The following PLEKHA7 variants were observed in gnomAD, a reference collection of about 807,000 sequenced individuals.
The protein encoded by PLEKHA7 is pleckstrin homology domain-containing family A member 7.
Under a neutral mutation model 170.0 loss-of-function variants are expected in PLEKHA7, and 104 were observed. The ratio of observed to expected loss-of-function variants is 0.61; its 90% CI spans 0.52 to 0.72. The LOEUF is 0.72. PLEKHA7 is among the 30% of genes least tolerant of loss of function. The probability of loss-of-function intolerance (pLI) is 0.00; values close to 1 mark genes in which losing one functional copy is unlikely to be tolerated. For missense variants in PLEKHA7, 1,615 were observed against 1,671.7 expected, an observed-to-expected ratio of 0.97 and a Z score of 0.59; for synonymous variants, 648 against 660.8, an observed-to-expected ratio of 0.98 and a Z score of 0.30.
intron 3 of PLEKHA7, among the ~76,000 whole-genome samples, chr11:17,007,426 G>A (rs1001495270): frequency 7.9e-5 from 12 of 151,974 alleles, no homozygotes; most frequent in Admixed American, 2.0e-4. Context: ...GGGTTCAAGC[G>A]TTCCTCCTGG....
At chr11:16,888,906 A>C (rs960725749) in intron 3 of PLEKHA7, among the ~76,000 whole-genome samples, 1 of 19,318 alleles carries the variant, frequency 5.2e-5, no homozygotes, top group Non-Finnish European at 1.5e-4. Flanking sequence ...GGGGGAAGAT[A>C]AAAAAAAAAA....
At chr11:16,976,204 T>C (rs1242054460) in intron 3 of PLEKHA7, among the ~76,000 whole-genome samples, 3 of 152,252 alleles carry the variant, frequency 2.0e-5, no homozygotes, top group South Asian at 4.1e-4. Flanking sequence ...CCCCACCACC[T>C]AGGCCTTAAG....
chr11:16,891,350 T>C (rs1445798477), intron 3 of PLEKHA7, among the ~76,000 whole-genome samples: 1 of 151,990 alleles, frequency 6.6e-6, no homozygotes, highest in African/African-American at 2.4e-5. Context: ...GAGGCGGAGA[T>C]TGGAGTGATG....
At chr11:16,925,030 G>A (rs1016669871) in intron 3 of PLEKHA7, among the ~76,000 whole-genome samples, 1 of 152,212 alleles carries the variant, frequency 6.6e-6, no homozygotes, top group African/African-American at 2.4e-5. Flanking sequence ...GCCGGCTCCT[G>A]GCAAGTGTGG....
intron 3 of PLEKHA7, among the ~76,000 whole-genome samples, chr11:16,988,212 T>G (rs2136926171): frequency 6.6e-6 from 1 of 152,346 alleles, no homozygotes; most frequent in South Asian, 2.1e-4. Context: ...TCTAACTTTG[T>G]GTTCCTCCCA....
intron 3 of PLEKHA7, among the ~76,000 whole-genome samples, chr11:16,972,576 A>AT (rs1383614244): frequency 6.6e-6 from 1 of 151,012 alleles, no homozygotes; most frequent in Non-Finnish European, 1.5e-5. Flanking sequence ...ATGCCTGGCT[A>AT]TTTTTTTCTT....
intron 3 of PLEKHA7, among the ~76,000 whole-genome samples, chr11:16,904,939 A>G (rs1300739419): frequency 6.6e-6 from 1 of 152,228 alleles, no homozygotes; most frequent in Non-Finnish European, 1.5e-5. Context: ...ATGCCATATC[A>G]TGTACACCTA....
rs1266363142 is a variant in PLEKHA7, at chr11:16,791,226, G to A, written c.2746-27C>T. The A allele has an allele frequency of 1.9e-6, 3 of 1,556,234 alleles. No homozygotes were observed. The highest frequency in any genetic ancestry group is 1.7e-4 in the Middle Eastern group (1 of 5,786). ...TGCTGAGAAAGAGAACCAGACCAGTGGTCAGCGAGACGGAGCTGGAGGGAG... is the reference window on the plus strand; with the variant it reads ...TGCTGAGAAAGAGAACCAGACCAGTAGTCAGCGAGACGGAGCTGGAGGGAG... On this transcript the variant is annotated intron_variant, in intron 19 of 26. Coordinates refer to ENST00000531066, the MANE Select transcript of PLEKHA7 (RefSeq NM_001329630.2). The surrounding 1 kb of genome is among the most constrained non-coding windows in gnomAD (Gnocchi z 4.5).
rs139716324 is a variant in PLEKHA7, at chr11:16,933,476, A to G, written c.222-62294T>C. Among the ~76,000 whole-genome samples the G allele has an allele frequency of 2.0e-3, 305 of 152,356 alleles. 2 individuals are homozygous for G. Among genetic ancestry groups the G allele is most frequent in the African/African-American group, 7.0e-3 (290 of 41,582 alleles). ...CAGCTTTGCCAAGTGTGTTAGTGGT[A>G]GTGCCAACAGGACTCACTGATGGGA... On this transcript the variant is annotated intron_variant, in intron 3 of 26. Transcript: ENST00000531066.
chr11:16,925,763 T>C lies in PLEKHA7; in HGVS notation c.222-54581A>G, dbSNP rs546500648. On this transcript the variant is annotated intron_variant, in intron 3 of 26. Transcript: ENST00000531066. ...CACACCCACTTGACATCAGCACCGA[T>C]CAAAGCACGTGGCGCAGCGCCAGAC... Among the ~76,000 whole-genome samples the C allele has an allele frequency of 1.9e-4, 29 of 152,324 alleles. 1 individual carries two copies. In the South Asian group the frequency reaches 5.6e-3, roughly 29 times the overall value.
At chr11:16,981,299 C>T (rs1045945416) in intron 3 of PLEKHA7, among the ~76,000 whole-genome samples, 1 of 152,136 alleles carries the variant, frequency 6.6e-6, no homozygotes, top group Non-Finnish European at 1.5e-5. Flanking sequence ...AATGATTCTA[C>T]GAGTAGACAC....
chr11:16,934,258 C>T (rs1370037458), intron 3 of PLEKHA7, among the ~76,000 whole-genome samples: 3 of 152,080 alleles, frequency 2.0e-5, no homozygotes, highest in African/African-American at 7.2e-5. Context: ...AAAGGGTTTC[C>T]AAAATAAGCT....
rs761133372 is a variant in PLEKHA7, at chr11:16,826,143, C to T, written c.1320G>A (p.Arg440=). The T allele has an allele frequency of 3.1e-6, 5 of 1,614,174 alleles. No individual in the cohort carries two copies. The highest frequency in any genetic ancestry group is 2.2e-5 in the East Asian group (1 of 44,882). Reference sequence around the variant, plus strand: ...ACCTCCTGCTATCCCCTTTCTGGGCCCTTGCCCAGTGCTCCACCTGGGCCA... The same window carrying T: ...ACCTCCTGCTATCCCCTTTCTGGGCTCTTGCCCAGTGCTCCACCTGGGCCA... ...SNLAQVEHWA[R]AQKGDSRSLP... Residue 440 remains arginine, a synonymous_variant, in exon 10 of 27, where the codon AGG becomes AGA. Coordinates refer to ENST00000531066, the MANE Select transcript of PLEKHA7 (RefSeq NM_001329630.2).
chr11:16,887,816 C>T (rs1590476850), intron 3 of PLEKHA7, among the ~76,000 whole-genome samples: 1 of 152,228 alleles, frequency 6.6e-6, no homozygotes, highest in African/African-American at 2.4e-5. Context: ...CAGCCGCCAC[C>T]CCGTCTGGGA....
chr11:16,988,690 C>T (rs954419339), intron 3 of PLEKHA7, among the ~76,000 whole-genome samples: 1 of 152,208 alleles, frequency 6.6e-6, no homozygotes, highest in African/African-American at 2.4e-5. Flanking sequence ...AGGTCATCCA[C>T]CCACCTCAGC....
intron 10 of PLEKHA7, among the ~76,000 whole-genome samples, chr11:16,819,331 C>T (rs1270611501): frequency 6.6e-6 from 1 of 152,180 alleles, no homozygotes; most frequent in Non-Finnish European, 1.5e-5. Flanking sequence ...CTCCTGGCCT[C>T]AAGTGATCTG....
rs568497929 is a variant in PLEKHA7, at chr11:16,893,653, C to G, written c.222-22471G>C. Among the ~76,000 whole-genome samples the G allele has an allele frequency of 3.9e-5, 6 of 152,278 alleles. No homozygotes were observed. The South Asian group carries it at 1.2e-3, about 32-fold the overall frequency. On this transcript the variant is annotated intron_variant, in intron 3 of 26. Transcript: ENST00000531066. Reference sequence around the variant, plus strand: ...AGTAACAGAAGGAGAAAACCAAGAACAGGCAAAAAGTCTGCTGTATGAGCT... The same window carrying G: ...AGTAACAGAAGGAGAAAACCAAGAAGAGGCAAAAAGTCTGCTGTATGAGCT...
At chr11:16,870,512 C>T (rs546436200) in intron 4 of PLEKHA7, among the ~76,000 whole-genome samples, 97 of 151,990 alleles carry the variant, frequency 6.4e-4, no homozygotes, top group African/African-American at 2.2e-3. Flanking sequence ...GCCTGTAGTT[C>T]CAGCGACTTG....
Position 16,794,528 on chromosome 11 carries a change from G to T in PLEKHA7, c.2705C>A (p.Thr902Lys). 6.2e-7 allele frequency: 1 copy of T among 1,613,968 alleles called. No individual in the cohort carries two copies. Among genetic ancestry groups the T allele is most frequent in the South Asian group, 1.1e-5 (1 of 91,086 alleles). ...CTTAGTTGGTGACTGAAGGGGGGAT[G>T]TCACTTTCCTCAGCTGGGGTGGGTG... ...RPHPPQLRKVTSPLQSPTKAK... is the reference protein window; with the variant it reads ...RPHPPQLRKVKSPLQSPTKAK... The change falls in exon 19 of 27, where the codon ACA becomes AAA. Residue 902 changes from threonine (T) to lysine (K), a missense_variant. By Grantham distance (78) the Thr-to-Lys change is moderately conservative. Coordinates refer to ENST00000531066, the MANE Select transcript of PLEKHA7 (RefSeq NM_001329630.2).
Sources: gnomAD v4.1 joint callset for allele counts (sites outside exome capture counted in the v4.1 genomes callset) on GRCh38, gnomAD v4.1.1 for gene constraint, Gnocchi (gnomAD v3.1) non-coding constraint, MANE v1.5 for transcripts, NCBI Gene and HGNC (gene_info 2026-07-23, HGNC 2026-07-21) for gene names.